The following COL21A1 variants were observed in gnomAD, a reference collection of about 807,000 sequenced individuals.
COL21A1 encodes collagen type XXI alpha 1 chain.
A neutral mutation model predicts 137.9 loss-of-function variants in COL21A1; 149 were observed. That is an observed-to-expected ratio of 1.08 (90% CI 0.95 to 1.24). COL21A1 has a LOEUF of 1.24. Ranked by LOEUF, COL21A1 falls within the 50% of genes most tolerant of loss-of-function variation. The pLI is 0.00. For synonymous variants in COL21A1, 456 were observed against 391.5 expected (o/e 1.16, Z -1.95); for missense variants, 1,167 against 1,158.4 (o/e 1.01, Z -0.11).
At chr6:56,180,212 T>G in intron 2 of COL21A1, 83 bp from the exon 3 acceptor site, 1 of 959,230 alleles carries the variant, frequency 1.0e-6, no homozygotes, top group South Asian at 1.8e-5. Context: ...GAGTTTCAGC[T>G]ATACACTAAT....
chr6:56,219,049 G>A (rs1040773358), intron 1 of COL21A1, among the ~76,000 whole-genome samples: 1 of 151,800 alleles, frequency 6.6e-6, no homozygotes, highest in Admixed American at 6.6e-5. Flanking sequence ...AAATATCATC[G>A]TTTTGAAGTG....
chr6:56,291,554 C>A (rs1273296902), intron 1 of COL21A1, among the ~76,000 whole-genome samples: 1 of 152,204 alleles, frequency 6.6e-6, no homozygotes, highest in Non-Finnish European at 1.5e-5. Context: ...AGACTAAGAG[C>A]CAAAATGCGG....
At chr6:56,185,426 C>CTTTTT (rs777045553) in intron 1 of COL21A1, among the ~76,000 whole-genome samples, 2,046 of 100,110 alleles carry the variant, frequency 0.02, 247 homozygotes, top group African/African-American at 0.074. Flanking sequence ...AATGAACAGT[C>CTTTTT]TTTTTTTTTT....
intron 6 of COL21A1, 44 bp downstream of exon 6, chr6:56,168,079 AG>A (rs767165009): frequency 7.8e-7 from 1 of 1,278,206 alleles, no homozygotes; most frequent in Non-Finnish European, 1.0e-6. Flanking sequence ...GGACAGCAAA[AG>A]TTTCATTCTA....
intron 17 of COL21A1, among the ~76,000 whole-genome samples, chr6:56,090,419 T>C (rs546597082): frequency 1.3e-5 from 2 of 152,346 alleles, no homozygotes; most frequent in South Asian, 4.1e-4. Flanking sequence ...TGATTAAACC[T>C]GGTGGGACTT....
At chr6:56,170,888 A>C in intron 4 of COL21A1, 23 bp from the exon 5 acceptor site, 1 of 1,601,182 alleles carries the variant, frequency 6.2e-7, no homozygotes, top group Non-Finnish European at 8.5e-7. Context: ...GAGCAAGTGT[A>C]AGCTTAAAGA....
At chr6:56,126,439 G>C (rs919428002) in intron 12 of COL21A1, 1 of 296,170 alleles carries the variant, frequency 3.4e-6, no homozygotes, top group African/African-American at 2.3e-5. Context: ...GCTTTTACAG[G>C]GGCAAGACAC....
intron 3 of COL21A1, among the ~76,000 whole-genome samples, chr6:56,176,019 G>T (rs1777441492): frequency 6.6e-6 from 1 of 151,950 alleles, no homozygotes; most frequent in Non-Finnish European, 1.5e-5. Flanking sequence ...TGGTAAGACT[G>T]CCCGACGGGG....
At chr6:56,096,141 C>G (rs1769302487) in intron 17 of COL21A1, among the ~76,000 whole-genome samples, 1 of 99,930 alleles carries the variant, frequency 1.0e-5, no homozygotes, top group Non-Finnish European at 2.0e-5. Context: ...GCCACCATGT[C>G]TGGCCTGCAT....
intron 1 of COL21A1, among the ~76,000 whole-genome samples, chr6:56,235,138 A>C (rs1781819822): frequency 6.6e-6 from 1 of 151,914 alleles, no homozygotes; most frequent in Non-Finnish European, 1.5e-5. Flanking sequence ...TCTAGGTAAT[A>C]AACACCATAA....
intron 1 of COL21A1, among the ~76,000 whole-genome samples, chr6:56,262,665 G>A (rs781173454): frequency 3.5e-4 from 54 of 152,216 alleles, no homozygotes; most frequent in Non-Finnish European, 6.3e-4. Flanking sequence ...AATAGGGACT[G>A]GGATACAGAG....
intron 1 of COL21A1, among the ~76,000 whole-genome samples, chr6:56,304,946 T>C (rs1167294968): frequency 6.6e-6 from 1 of 152,244 alleles, no homozygotes; most frequent in Admixed American, 6.5e-5. Context: ...TTGTTCTCTT[T>C]GGTTTCAAAG....
intron 12 of COL21A1, among the ~76,000 whole-genome samples, chr6:56,137,834 T>C (rs1214188948): frequency 6.6e-6 from 1 of 152,142 alleles, no homozygotes; most frequent in Non-Finnish European, 1.5e-5. Context: ...TTAAATCCAC[T>C]ATATTATAGT....
At chr6:56,065,868 G>A (rs1562141079) in intron 23 of COL21A1, among the ~76,000 whole-genome samples, 1 of 151,950 alleles carries the variant, frequency 6.6e-6, no homozygotes, top group Non-Finnish European at 1.5e-5. Flanking sequence ...GCAAGTAAAA[G>A]TGTGGAAGAA....
chr6:56,091,319 AT>A (rs1768795338), intron 17 of COL21A1, among the ~76,000 whole-genome samples: 1 of 152,166 alleles, frequency 6.6e-6, no homozygotes. Context: ...CAAGCATAAC[AT>A]GTGGTTAAGC....
intron 1 of COL21A1, among the ~76,000 whole-genome samples, chr6:56,291,959 A>G (rs1180979001): frequency 6.6e-6 from 1 of 152,154 alleles, no homozygotes; most frequent in Non-Finnish European, 1.5e-5. Flanking sequence ...CCTGAGTTTT[A>G]GGAGTTCGAG....
chr6:56,180,826 A>C (rs1282629287), intron 2 of COL21A1, among the ~76,000 whole-genome samples: 1 of 152,200 alleles, frequency 6.6e-6, no homozygotes. Context: ...GAAGAAGACA[A>C]ATATAGCTGT....
chr6:56,272,500 TG>T (rs1183411501), intron 1 of COL21A1, among the ~76,000 whole-genome samples: 3 of 152,178 alleles, frequency 2.0e-5, no homozygotes, highest in African/African-American at 7.2e-5. Flanking sequence ...AATGCTGGAA[TG>T]AGTTTAGACT....
chr6:56,375,133 A>G (rs2152350969), intron 1 of COL21A1, among the ~76,000 whole-genome samples: 1 of 152,328 alleles, frequency 6.6e-6, no homozygotes, highest in African/African-American at 2.4e-5. Context: ...CCAAAGGGGA[A>G]AAAGAGAAAG....
Sources: gnomAD v4.1 joint callset for allele counts (sites outside exome capture counted in the v4.1 genomes callset) on GRCh38, gnomAD v4.1.1 for gene constraint, MANE v1.5 for transcripts, NCBI Gene and HGNC (gene_info 2026-07-23, HGNC 2026-07-21) for gene names.